The following SLC22A25 variants were observed in gnomAD, a reference collection of about 807,000 sequenced individuals.
The protein encoded by SLC22A25 is MGI:2442751, MGI:2385316, MGI:3042283, MGI:3645714, MGI:3605624, MGI:2442750.
Under a neutral mutation model 45.9 loss-of-function variants are expected in SLC22A25, and 44 were observed. That is an observed-to-expected ratio of 0.96 (90% CI 0.75 to 1.23). The LOEUF is 1.23. SLC22A25 is among the 50% of genes most tolerant of loss of function. The pLI is 0.00. For missense variants in SLC22A25, 800 were observed against 666.4 expected (o/e 1.20, Z -2.21); for synonymous variants, 283 against 238.6 (o/e 1.19, Z -1.72).
chr11:63,224,317 A>G (rs910852938), intron 5 of SLC22A25, among the ~76,000 whole-genome samples: 1 of 151,772 alleles, frequency 6.6e-6, no homozygotes, highest in Non-Finnish European at 1.5e-5. Context: ...TTTTCAGTCT[A>G]TGTGTGTATA....
intron 7 of SLC22A25, among the ~76,000 whole-genome samples, chr11:63,207,142 G>GT (rs1565102713): frequency 6.6e-6 from 1 of 152,148 alleles, no homozygotes; most frequent in African/African-American, 2.4e-5. Context: ...AGACTTAAAT[G>GT]TAAGACCTAA....
intron 7 of SLC22A25, among the ~76,000 whole-genome samples, chr11:63,195,316 A>G (rs2088980662): frequency 6.6e-6 from 1 of 152,100 alleles, no homozygotes; most frequent in South Asian, 2.1e-4. Context: ...TCTCAGCACC[A>G]CACCGCACTT....
chr11:63,238,456 C>T (rs545914691), intron 2 of SLC22A25, among the ~76,000 whole-genome samples: 2 of 152,142 alleles, frequency 1.3e-5, no homozygotes, highest in Non-Finnish European at 2.9e-5. Context: ...CAATTTATAA[C>T]AAAATACATG....
At chr11:63,167,051 G>GTGATGCCC in intron 9 of SLC22A25, 1 of 166,550 alleles carries the variant, frequency 6.0e-6, no homozygotes, top group Non-Finnish European at 1.2e-5. Flanking sequence ...GCAGGGTGGG[G>GTGATGCCC]CATCACCTCA....
intron 7 of SLC22A25, among the ~76,000 whole-genome samples, chr11:63,211,879 C>T (rs1181791737): frequency 1.3e-5 from 2 of 152,014 alleles, no homozygotes; most frequent in Non-Finnish European, 2.9e-5. Context: ...AGTGAACAGG[C>T]AACCTACAGA....
At chr11:63,218,826 G>A (rs1447268179) in intron 5 of SLC22A25, among the ~76,000 whole-genome samples, 2 of 152,216 alleles carry the variant, frequency 1.3e-5, no homozygotes, top group African/African-American at 4.8e-5. Flanking sequence ...GGCATGTGGT[G>A]AGGCAGAATT....
At position 63,163,740 on chromosome 11, in the gene SLC22A25, A is replaced by G. The variant is rs1449955639; in HGVS notation, c.*84T>C. 6.6e-7 allele frequency: 1 copy of G among 1,517,136 alleles called. No homozygotes were observed. The highest frequency in any genetic ancestry group is 8.8e-7 in the Non-Finnish European group (1 of 1,133,464). The allele number at this position is 1,517,136 out of a possible 1,614,324, so 94.0% of individuals were successfully genotyped here. A position where few individuals can be genotyped will look rare whatever the true frequency, so the allele number is the denominator to read the frequency against. ...ATGAGGATACACCAAAGGCAAAGGCACTGACTACATGGGAATAGCCCAGAT... is the reference window on the plus strand; with the variant it reads ...ATGAGGATACACCAAAGGCAAAGGCGCTGACTACATGGGAATAGCCCAGAT... On this transcript the variant is annotated 3_prime_UTR_variant, in exon 12 of 12. Transcript: ENST00000306494.
intron 5 of SLC22A25, among the ~76,000 whole-genome samples, chr11:63,222,908 T>C (rs945229977): frequency 1.3e-5 from 2 of 152,088 alleles, no homozygotes; most frequent in African/African-American, 4.8e-5. Flanking sequence ...CTTCATTCTA[T>C]TGATATAATG....
At chr11:63,188,966 C>T (rs959585964) in intron 7 of SLC22A25, among the ~76,000 whole-genome samples, 3 of 152,038 alleles carry the variant, frequency 2.0e-5, no homozygotes, top group Non-Finnish European at 4.4e-5. Flanking sequence ...TTACTTCCAA[C>T]TATGTGGTCA....
chr11:63,211,572 A>G (rs1288395378), intron 7 of SLC22A25, among the ~76,000 whole-genome samples: 3 of 152,162 alleles, frequency 2.0e-5, no homozygotes, highest in Non-Finnish European at 4.4e-5. Context: ...GGGTTTAAGA[A>G]TTCTCCTACC....
chr11:63,200,513 T>C (rs2089204409), intron 7 of SLC22A25, among the ~76,000 whole-genome samples: 1 of 151,418 alleles, frequency 6.6e-6, no homozygotes, highest in Non-Finnish European at 1.5e-5. Flanking sequence ...TACCTCAAAA[T>C]AGTAAGTGCC....
intron 7 of SLC22A25, among the ~76,000 whole-genome samples, chr11:63,215,554 AC>A (rs1327380334): frequency 2.0e-5 from 3 of 152,214 alleles, no homozygotes; most frequent in African/African-American, 7.2e-5. Context: ...CACGTTTTGC[AC>A]ATGTATTCCA....
chr11:63,221,122 TC>T, intron 5 of SLC22A25, among the ~76,000 whole-genome samples: 1 of 152,304 alleles, frequency 6.6e-6, no homozygotes, highest in East Asian at 1.9e-4. Context: ...TATACTGATT[TC>T]CTTTTTGGGT....
chr11:63,184,681 G>C (rs1293082321), intron 7 of SLC22A25, among the ~76,000 whole-genome samples: 1 of 152,110 alleles, frequency 6.6e-6, no homozygotes, highest in Admixed American at 6.6e-5. Flanking sequence ...ACAATTAAAA[G>C]CATCTCAAAC....
chr11:63,209,488 C>A (rs950376199), intron 7 of SLC22A25, among the ~76,000 whole-genome samples: 1 of 152,066 alleles, frequency 6.6e-6, no homozygotes, highest in Admixed American at 6.6e-5. Context: ...GAAAGTGAGG[C>A]TCAGTCTCCC....
intron 7 of SLC22A25, among the ~76,000 whole-genome samples, chr11:63,216,422 C>T (rs551570149): frequency 8.5e-5 from 13 of 152,134 alleles, no homozygotes; most frequent in African/African-American, 1.9e-4. Flanking sequence ...CATATGCACA[C>T]GTATGTTCAT....
chr11:63,183,962 G>T, intron 7 of SLC22A25, 145 bp from the exon 8 acceptor site: 1 of 1,160,972 alleles, frequency 8.6e-7, no homozygotes, highest in Non-Finnish European at 1.2e-6. Context: ...ACATTCTCTT[G>T]TGCCATCACC....
At chr11:63,228,440 C>T (rs764870128) in intron 5 of SLC22A25, 21 bp downstream of exon 5, 63 of 1,526,304 alleles carry the variant, frequency 4.1e-5, no homozygotes, top group Middle Eastern at 3.4e-4. Context: ...TTGAAGAGAG[C>T]TATGCTCCAT....
intron 5 of SLC22A25, among the ~76,000 whole-genome samples, chr11:63,225,607 G>A (rs947325002): frequency 1.8e-4 from 27 of 152,226 alleles, no homozygotes; most frequent in African/African-American, 6.5e-4. Context: ...CCTTGAGGTA[G>A]TCTTCTTTGG....
Sources: allele counts gnomAD v4.1 joint callset (sites outside exome capture counted in the v4.1 genomes callset), GRCh38; gene constraint gnomAD v4.1.1; transcripts MANE v1.5; gene names NCBI Gene and HGNC (gene_info 2026-07-23, HGNC 2026-07-21).